Variants in EIF4G3 observed in about 807,000 individuals in gnomAD.
The protein encoded by EIF4G3 is eIF-4-gamma 3.
A neutral mutation model predicts 186.4 loss-of-function variants in EIF4G3; 34 were observed. The ratio of observed to expected loss-of-function variants is 0.18; its 90% CI spans 0.14 to 0.24. The LOEUF (loss-of-function observed/expected upper bound fraction) is 0.24, where lower values mean the gene tolerates loss of function less well. Among genes scored for constraint, EIF4G3 ranks in the 10% least tolerant of loss-of-function variants. The pLI is 1.00. For missense variants in EIF4G3, 1,536 were observed against 1,948.5 expected (o/e 0.79, Z 3.99); for synonymous variants, 673 against 679.5 (o/e 0.99, Z 0.15).
chr1:21,112,718 T>G (rs896152374), intron 2 of EIF4G3, among the ~76,000 whole-genome samples: 6 of 152,180 alleles, frequency 3.9e-5, no homozygotes, highest in Non-Finnish European at 7.4e-5. Flanking sequence ...AGCATTTCAT[T>G]TCAAAATAAA....
intron 17 of EIF4G3, among the ~76,000 whole-genome samples, chr1:20,894,892 C>T (rs199595522): frequency 6.6e-6 from 1 of 152,126 alleles, no homozygotes; most frequent in East Asian, 1.9e-4. Context: ...AATTCAATCA[C>T]TGGAGGTATC....
chr1:20,989,691 G>A (rs1459396231), intron 7 of EIF4G3, among the ~76,000 whole-genome samples: 1 of 151,670 alleles, frequency 6.6e-6, no homozygotes, highest in Non-Finnish European at 1.5e-5. Context: ...GATTTCCTGA[G>A]ATGGAATCTA....
intron 2 of EIF4G3, among the ~76,000 whole-genome samples, chr1:21,160,757 A>G (rs1411671435): frequency 6.6e-6 from 1 of 152,238 alleles, no homozygotes; most frequent in Non-Finnish European, 1.5e-5. Flanking sequence ...GTTACAAACC[A>G]TAAGAGAATA....
chr1:20,882,769 C>T (rs904969014), intron 19 of EIF4G3, among the ~76,000 whole-genome samples: 2 of 151,818 alleles, frequency 1.3e-5, no homozygotes, highest in African/African-American at 4.8e-5. Flanking sequence ...GCACTCCAGC[C>T]TGGGCAATAG....
At chr1:21,148,383 C>A (rs2097489521) in intron 2 of EIF4G3, among the ~76,000 whole-genome samples, 1 of 151,870 alleles carries the variant, frequency 6.6e-6, no homozygotes. Context: ...CAGCATTCTT[C>A]TCAATAGCAA....
At chr1:20,963,772 C>A (rs12063105) in intron 12 of EIF4G3, among the ~76,000 whole-genome samples, 4,572 of 151,904 alleles carry the variant, frequency 0.03, 224 homozygotes, top group African/African-American at 0.1. Flanking sequence ...TGGGTCAACA[C>A]GATGAAACCC....
chr1:21,170,704 C>A (rs927710058), intron 2 of EIF4G3, among the ~76,000 whole-genome samples: 1 of 151,114 alleles, frequency 6.6e-6, no homozygotes, highest in African/African-American at 2.4e-5. Context: ...TAATAAAGAT[C>A]ATGGTAGAGC....
At chr1:20,929,824 G>C (rs530534905) in intron 14 of EIF4G3, among the ~76,000 whole-genome samples, 4 of 152,186 alleles carry the variant, frequency 2.6e-5, no homozygotes, top group Non-Finnish European at 5.9e-5. Flanking sequence ...GTTTGATGCT[G>C]TTGCTTTGAT....
At chr1:20,816,990 A>G (rs1479713668) in intron 34 of EIF4G3, among the ~76,000 whole-genome samples, 2 of 145,874 alleles carry the variant, frequency 1.4e-5, no homozygotes, top group African/African-American at 2.6e-5. Context: ...ACTCAGGGTT[A>G]AATGGATTAA....
rs1358043972 is a variant in EIF4G3, at chr1:21,043,130, A to G, written c.-67+7736T>C. ...ACAGATGAGAGGTAGCCAGAGAAAT[A>G]AACAAGAGTCTCCCAGGATGCATCC... On this transcript the variant is annotated intron_variant, in intron 4 of 36. Transcript: ENST00000602326. 2.6e-5 allele frequency among the ~76,000 whole-genome samples: 4 copies of G among 152,340 alleles called. No homozygotes were observed. The East Asian group carries it at 7.7e-4, about 29-fold the overall frequency.
At chr1:21,019,703 T>C (rs2154570713) in intron 4 of EIF4G3, among the ~76,000 whole-genome samples, 1 of 152,172 alleles carries the variant, frequency 6.6e-6, no homozygotes, top group East Asian at 1.9e-4. Flanking sequence ...ACCAACATGG[T>C]GAAACCCTGT....
intron 12 of EIF4G3, among the ~76,000 whole-genome samples, chr1:20,963,220 T>C (rs2073825879): frequency 6.6e-6 from 1 of 152,194 alleles, no homozygotes; most frequent in Non-Finnish European, 1.5e-5. Context: ...ATATTTTGTG[T>C]ATTCATGACA....
intron 14 of EIF4G3, among the ~76,000 whole-genome samples, chr1:20,923,107 C>T (rs543879194): frequency 3.3e-5 from 5 of 152,248 alleles, no homozygotes; most frequent in African/African-American, 9.6e-5. Context: ...CCACTCAATA[C>T]CCCACCTCTC....
At chr1:20,910,321 C>T (rs554958375) in intron 14 of EIF4G3, among the ~76,000 whole-genome samples, 1 of 152,262 alleles carries the variant, frequency 6.6e-6, no homozygotes, top group South Asian at 2.1e-4. Context: ...CATGGTGGCT[C>T]CCGCCTGGAA....
intron 4 of EIF4G3, among the ~76,000 whole-genome samples, chr1:21,003,221 T>C (rs2084062455): frequency 6.7e-6 from 1 of 150,262 alleles, no homozygotes; most frequent in Admixed American, 6.7e-5. Context: ...TTGCCCAGGC[T>C]GGGCTCAAAC....
At chr1:21,048,771 T>C (rs1038566510) in intron 4 of EIF4G3, among the ~76,000 whole-genome samples, 2 of 152,044 alleles carry the variant, frequency 1.3e-5, no homozygotes, top group African/African-American at 4.8e-5. Flanking sequence ...CCACTCCCAT[T>C]CAGAAAGCCA....
chr1:21,081,091 T>A (rs1254553908), intron 3 of EIF4G3, among the ~76,000 whole-genome samples: 2 of 152,192 alleles, frequency 1.3e-5, no homozygotes, highest in Non-Finnish European at 2.9e-5. Context: ...AGTTTTGACA[T>A]TTTCCCTCCC....
chr1:21,062,879 C>T (rs962804797), intron 3 of EIF4G3, among the ~76,000 whole-genome samples: 1 of 152,128 alleles, frequency 6.6e-6, no homozygotes, highest in Non-Finnish European at 1.5e-5. Flanking sequence ...GCGTGAGCCA[C>T]GGTGCCCAGC....
intron 2 of EIF4G3, among the ~76,000 whole-genome samples, chr1:21,130,575 G>C (rs1346691676): frequency 6.6e-6 from 1 of 152,018 alleles, no homozygotes; most frequent in Non-Finnish European, 1.5e-5. Context: ...GAAGTGGCGT[G>C]CCCATTTCCA....
Sources: gnomAD v4.1 joint callset for allele counts (sites outside exome capture counted in the v4.1 genomes callset) on GRCh38, gnomAD v4.1.1 for gene constraint, MANE v1.5 for transcripts, NCBI Gene and HGNC (gene_info 2026-07-23, HGNC 2026-07-21) for gene names.